Variants in PARD3B observed in about 807,000 individuals in gnomAD.
PARD3B encodes the protein partitioning defective 3 homolog B.
In PARD3B, 103 loss-of-function variants were observed where a neutral mutation model predicts 130.2. The observed-to-expected ratio is 0.79, with a 90% CI of 0.67 to 0.93. The LOEUF is 0.93. Among genes scored for constraint, PARD3B ranks in the 40% least tolerant of loss-of-function variants. The probability of loss-of-function intolerance (pLI) is 0.00; values close to 1 mark genes in which losing one functional copy is unlikely to be tolerated. For missense variants in PARD3B, 1,609 were observed against 1,499.2 expected (o/e 1.07, Z -1.21); for synonymous variants, 583 against 553.2 (o/e 1.05, Z -0.76).
chr2:205,440,517 C>A lies in PARD3B; in HGVS notation c.2889C>A (p.Cys963Ter). Residue 963 changes from cysteine to a stop codon, truncating the protein, a stop_gained, in exon 20 of 23, where the codon TGC becomes TGA. Coordinates refer to ENST00000406610, the MANE Select transcript of PARD3B (RefSeq NM_001302769.2). LOFTEE classifies it high-confidence loss of function. This position sits in a 1 kb window ranked among gnomAD's most constrained non-coding sequence, Gnocchi z 4.2. ...GAGTGAACCACTTTCGGGAACCATG[C>A]ACATCAGCAAATGTCTTTAGATCTC... is the stretch of plus-strand genomic sequence containing the variant. Reference protein sequence around the residue: ...YARVNHFREPCTSANVFRSPS... With the variant: ...YARVNHFREP The A allele has an allele frequency of 6.2e-7, 1 of 1,614,048 alleles. No individual in the cohort carries two copies. The highest frequency in any genetic ancestry group is 8.5e-7 in the Non-Finnish European group (1 of 1,179,976).
At chr2:204,978,041 C>G (rs996531896) in intron 3 of PARD3B, among the ~76,000 whole-genome samples, 2 of 152,058 alleles carry the variant, frequency 1.3e-5, no homozygotes, top group Admixed American at 6.5e-5. Context: ...CTCTTCCTAC[C>G]CACTGGTCTC....
At chr2:205,415,765 T>C (rs2046753578) in intron 19 of PARD3B, among the ~76,000 whole-genome samples, 1 of 152,104 alleles carries the variant, frequency 6.6e-6, no homozygotes, top group Admixed American at 6.6e-5. Context: ...TAAACTAATA[T>C]GATGTGTGAA....
At position 204,967,023 on chromosome 2, in the gene PARD3B, G is replaced by A. The variant is rs1309850405; in HGVS notation, c.394+1700G>A. On this transcript the variant is annotated intron_variant, in intron 3 of 22. Transcript: ENST00000406610. The surrounding 1 kb of genome is among the most constrained non-coding windows in gnomAD (Gnocchi z 4.4). The stretch of plus-strand genomic sequence containing the variant: ...GCCAGAATTTGAACTGTTGCTGGCT[G>A]TGGTGTGAGAAACCATTTTGCTGTG... Among the ~76,000 whole-genome samples, 1 of 152,206 alleles carries A rather than the reference G, an allele frequency of 6.6e-6. No homozygotes were observed. The highest frequency in any genetic ancestry group is 2.4e-5 in the African/African-American group (1 of 41,448).
chr2:205,564,772 G>A lies in PARD3B; in HGVS notation c.3260+11369G>A, dbSNP rs1559221945. Among the ~76,000 whole-genome samples the A allele has an allele frequency of 6.6e-6, 1 of 152,176 alleles. No homozygotes were observed. The highest frequency in any genetic ancestry group is 2.4e-5 in the African/African-American group (1 of 41,442). Reference sequence around the variant, plus strand: ...GATCATTCTGCCAAGAAACACCTTGGTCCAGCTCCATTATTTCCAGCAAAG... The same window carrying A: ...GATCATTCTGCCAAGAAACACCTTGATCCAGCTCCATTATTTCCAGCAAAG... On this transcript the variant is annotated intron_variant, in intron 22 of 22. Coordinates refer to ENST00000406610, the MANE Select transcript of PARD3B (RefSeq NM_001302769.2). This position sits in a 1 kb window ranked among gnomAD's most constrained non-coding sequence, Gnocchi z 4.6.
intron 3 of PARD3B, among the ~76,000 whole-genome samples, chr2:204,976,554 G>A (rs1305685694): frequency 6.6e-6 from 1 of 150,640 alleles, no homozygotes; most frequent in Non-Finnish European, 1.5e-5. Flanking sequence ...TATTTATTAT[G>A]GATCATTTGG....
In PARD3B at chr2:204,985,929, G is replaced by A. The variant is rs148188374; in HGVS notation, c.394+20606G>A. Among the ~76,000 whole-genome samples, 94 of 151,800 alleles carry A rather than the reference G, an allele frequency of 6.2e-4. 1 individual carries two copies. The highest frequency in any genetic ancestry group is 1.6e-3 in the African/African-American group (66 of 41,394). ...CAGCCTGGCAACATGGTGAAACCCC[G>A]TCTCTACTAAAAATACAAAAAGTTA... is the stretch of plus-strand genomic sequence containing the variant. On this transcript the variant is annotated intron_variant, in intron 3 of 22. Transcript: ENST00000406610.
In PARD3B at chr2:205,183,492, C is replaced by G. The variant is rs1413697523; in HGVS notation, c.1925-2272C>G. Among the ~76,000 whole-genome samples the G allele has an allele frequency of 6.6e-6, 1 of 152,134 alleles. No homozygotes were observed. The highest frequency in any genetic ancestry group is 1.5e-5 in the Non-Finnish European group (1 of 68,022). ...GTCTTGAATGCCTGACTGCTGCCACCACTAACAAATCAATGGGCCCCTAGG... is the reference window on the plus strand; with the variant it reads ...GTCTTGAATGCCTGACTGCTGCCACGACTAACAAATCAATGGGCCCCTAGG... On this transcript the variant is annotated intron_variant, in intron 13 of 22. Transcript: ENST00000406610. This position sits in a 1 kb window ranked among gnomAD's most constrained non-coding sequence, Gnocchi z 5.2.
intron 16 of PARD3B, among the ~76,000 whole-genome samples, chr2:205,296,664 T>C (rs554042703): frequency 2.2e-4 from 14 of 62,890 alleles, no homozygotes; most frequent in African/African-American, 1.9e-3. Context: ...TGTTTGTGTA[T>C]GTGTGTGTGT....
intron 1 of PARD3B, among the ~76,000 whole-genome samples, chr2:204,670,510 G>T: frequency 6.6e-6 from 1 of 152,152 alleles, no homozygotes; most frequent in Non-Finnish European, 1.5e-5. Flanking sequence ...TTCTAATAAT[G>T]TATGAATCAA....
intron 3 of PARD3B, among the ~76,000 whole-genome samples, chr2:205,031,751 C>G (rs1697442207): frequency 6.6e-6 from 1 of 152,032 alleles, no homozygotes; most frequent in Non-Finnish European, 1.5e-5. Context: ...TAGGCTAGAT[C>G]AAAAAGGTAT....
At chr2:205,492,365 A>T (rs1057128867) in intron 20 of PARD3B, among the ~76,000 whole-genome samples, 6 of 152,206 alleles carry the variant, frequency 3.9e-5, no homozygotes, top group Non-Finnish European at 7.3e-5. Flanking sequence ...CAATTATAGT[A>T]AACAAAGACC....
At chr2:204,727,133 A>G (rs146035024) in intron 2 of PARD3B, among the ~76,000 whole-genome samples, 1 of 136,212 alleles carries the variant, frequency 7.3e-6, no homozygotes, top group Non-Finnish European at 1.5e-5. Flanking sequence ...TTAGGACAGA[A>G]TGAGAAGCTT....
At chr2:205,002,041 C>A (rs1694879805) in intron 3 of PARD3B, among the ~76,000 whole-genome samples, 1 of 152,110 alleles carries the variant, frequency 6.6e-6, no homozygotes, top group African/African-American at 2.4e-5. Flanking sequence ...TTACTCCATT[C>A]CCTAATATAA....
rs1018184393 is a variant in PARD3B, at chr2:205,146,755, T to G, written c.1435-11967T>G. Among the ~76,000 whole-genome samples, 1 of 151,914 alleles carries G rather than the reference T, an allele frequency of 6.6e-6. No individual in the cohort carries two copies. Among genetic ancestry groups the G allele is most frequent in the African/African-American group, 2.4e-5 (1 of 41,386 alleles). Reference sequence around the variant, plus strand: ...TTGTTTTTTTGTTTTTAAGATGGAGTCTCACTCTGTTGCCCAGGGTGGAAT... The same window carrying G: ...TTGTTTTTTTGTTTTTAAGATGGAGGCTCACTCTGTTGCCCAGGGTGGAAT... On this transcript the variant is annotated intron_variant, in intron 10 of 22. Transcript: ENST00000406610. The surrounding 1 kb of genome is among the most constrained non-coding windows in gnomAD (Gnocchi z 4.3).
At chr2:204,914,197 T>C (rs990128861) in intron 2 of PARD3B, among the ~76,000 whole-genome samples, 11 of 152,126 alleles carry the variant, frequency 7.2e-5, no homozygotes, top group Non-Finnish European at 7.4e-5. Context: ...GAGATGAGGG[T>C]CTGTTAACAA....
At chr2:205,024,348 T>C (rs1347500939) in intron 3 of PARD3B, among the ~76,000 whole-genome samples, 1 of 151,864 alleles carries the variant, frequency 6.6e-6, no homozygotes, top group Non-Finnish European at 1.5e-5. Flanking sequence ...TTTGTATTTT[T>C]AGTAGAGATG....
intron 1 of PARD3B, among the ~76,000 whole-genome samples, chr2:204,564,575 C>T (rs372013156): frequency 2.0e-5 from 3 of 152,032 alleles, no homozygotes; most frequent in Admixed American, 6.5e-5. Context: ...TTTAAAATAA[C>T]AAAGTGCCCA....
At chr2:204,859,384 A>T (rs573806057) in intron 2 of PARD3B, among the ~76,000 whole-genome samples, 18 of 152,162 alleles carry the variant, frequency 1.2e-4, no homozygotes, top group Non-Finnish European at 2.2e-4. Context: ...CAACATCAAG[A>T]TCTATGGTCT....
chr2:205,106,006 T>C (rs916591559), intron 5 of PARD3B, among the ~76,000 whole-genome samples: 1 of 152,094 alleles, frequency 6.6e-6, no homozygotes, highest in Non-Finnish European at 1.5e-5. Flanking sequence ...GTCCAAATGC[T>C]ATGTGAATAG....
Sources: allele counts gnomAD v4.1 joint callset (sites outside exome capture counted in the v4.1 genomes callset), GRCh38; gene constraint gnomAD v4.1.1; non-coding constraint Gnocchi (gnomAD v3.1); transcripts MANE v1.5; gene names NCBI Gene and HGNC (gene_info 2026-07-23, HGNC 2026-07-21).